Variants in SGCD observed in about 807,000 individuals in gnomAD.
The protein encoded by SGCD is sarcoglycan delta, also known as delta-sarcoglycan.
Under a neutral mutation model 36.6 loss-of-function variants are expected in SGCD, and 18 were observed. The observed-to-expected ratio is 0.49, with a 90% confidence interval of 0.34 to 0.73. The LOEUF (loss-of-function observed/expected upper bound fraction) is 0.73, where lower values mean the gene tolerates loss of function less well. Among genes scored for constraint, SGCD ranks in the 30% least tolerant of loss-of-function variants. SGCD has a pLI of 0.01. For synonymous variants in SGCD, 133 were observed against 130.6 expected (o/e 1.02, Z -0.12); for missense variants, 387 against 346.7 (o/e 1.12, Z -0.92).
intron 7 of SGCD, among the ~76,000 whole-genome samples, chr5:156,720,430 T>C (rs1561875348): frequency 6.6e-6 from 1 of 152,198 alleles, no homozygotes; most frequent in Non-Finnish European, 1.5e-5. Flanking sequence ...GAAATGTGTT[T>C]GTGCAAAGGT....
chr5:156,715,800 C>T (rs1755196094), intron 7 of SGCD, among the ~76,000 whole-genome samples: 1 of 152,166 alleles, frequency 6.6e-6, no homozygotes, highest in East Asian at 1.9e-4. Context: ...CATATTGATG[C>T]TCTGTGCAGT....
chr5:156,507,995 G>T (rs1242845682), intron 3 of SGCD, among the ~76,000 whole-genome samples: 2 of 152,190 alleles, frequency 1.3e-5, no homozygotes, highest in African/African-American at 4.8e-5. Flanking sequence ...GAAGGGGAGT[G>T]TAGGTGGCAG....
At position 155,908,142 on chromosome 5, in the gene SGCD, T is replaced by C. The variant is rs13361644; in HGVS notation, c.-282+37718T>C. Among the ~76,000 whole-genome samples, 1,379 of 152,258 alleles carry C rather than the reference T, an allele frequency of 9.1e-3. 27 individuals are homozygous for C. The highest frequency in any genetic ancestry group is 0.031 in the African/African-American group (1,275 of 41,564). The stretch of plus-strand genomic sequence containing the variant: ...AGTATTTTTAATTAACATGTACATA[T>C]ATTAAGACAGAATGCTATTATGTCC... On this transcript the variant is annotated intron_variant, in intron 1 of 9. Coordinates refer to the SGCD transcript ENST00000517913.
At chr5:156,193,351 A>G (rs1261401403) in intron 3 of SGCD, among the ~76,000 whole-genome samples, 3 of 152,150 alleles carry the variant, frequency 2.0e-5, no homozygotes, top group African/African-American at 4.8e-5. Flanking sequence ...TATTTGAACA[A>G]TTAAACTAGA....
chr5:156,685,906 G>A (rs1753886888), intron 7 of SGCD, among the ~76,000 whole-genome samples: 1 of 152,166 alleles, frequency 6.6e-6, no homozygotes, highest in African/African-American at 2.4e-5. Flanking sequence ...ACAGACACTG[G>A]GGCTTTCCTG....
chr5:156,061,280 G>C lies in SGCD; in HGVS notation c.-281-56598G>C, dbSNP rs1760200705. Reference sequence around the variant, plus strand: ...CAAGGCTAAGAGAATATAAGCGTTGGTCTTTAGCTGAAGATCCTTCAAGGA... The same window carrying C: ...CAAGGCTAAGAGAATATAAGCGTTGCTCTTTAGCTGAAGATCCTTCAAGGA... On this transcript the variant is annotated intron_variant, in intron 1 of 9. Transcript: ENST00000517913. Among the ~76,000 whole-genome samples, 3 of 145,442 alleles carry C rather than the reference G, an allele frequency of 2.1e-5. 1 individual carries two copies. The highest frequency in any genetic ancestry group is 7.4e-5 in the African/African-American group (3 of 40,456).
chr5:156,693,218 A>G (rs1355197384), intron 7 of SGCD, among the ~76,000 whole-genome samples: 1 of 152,242 alleles, frequency 6.6e-6, no homozygotes. Flanking sequence ...GTTTGAAACT[A>G]GAGTCCAATA....
intron 1 of SGCD, among the ~76,000 whole-genome samples, chr5:156,072,396 A>G (rs201085982): frequency 3.8e-4 from 57 of 151,962 alleles, no homozygotes; most frequent in Middle Eastern, 3.4e-3. Context: ...ATGAAGCTTA[A>G]TTTGGCTGGA....
chr5:156,298,058 A>T (rs1296272361), intron 3 of SGCD, among the ~76,000 whole-genome samples: 1 of 151,764 alleles, frequency 6.6e-6, no homozygotes, highest in East Asian at 1.9e-4. Flanking sequence ...TGTGTGACTT[A>T]TTTCACTTAA....
chr5:156,407,854 G>A (rs963425048), intron 3 of SGCD, among the ~76,000 whole-genome samples: 1 of 152,158 alleles, frequency 6.6e-6, no homozygotes, highest in Non-Finnish European at 1.5e-5. Context: ...ATTGTGGAGT[G>A]TTCAGGGGAT....
chr5:156,246,993 C>G (rs1343772972), intron 3 of SGCD, among the ~76,000 whole-genome samples: 1 of 152,202 alleles, frequency 6.6e-6, no homozygotes, highest in African/African-American at 2.4e-5. Flanking sequence ...AAAAGCACCA[C>G]TTAGACTTTA....
intron 1 of SGCD, among the ~76,000 whole-genome samples, chr5:155,888,429 A>G (rs919830923): frequency 6.6e-6 from 1 of 152,242 alleles, no homozygotes; most frequent in Non-Finnish European, 1.5e-5. Context: ...AACAAAAGAC[A>G]GGGTAACAAA....
intron 4 of SGCD, among the ~76,000 whole-genome samples, chr5:156,510,904 G>A (rs978801644): frequency 1.3e-5 from 2 of 152,208 alleles, no homozygotes; most frequent in Non-Finnish European, 2.9e-5. Context: ...ACAGGGTACT[G>A]GGTGCATCTG....
upstream of SGCD, among the ~76,000 whole-genome samples, chr5:155,865,957 A>G (rs150799003): frequency 4.6e-3 from 700 of 152,256 alleles, 2 homozygotes; most frequent in Middle Eastern, 0.02. Context: ...GGTCCCAATA[A>G]TCATAGTTTA....
chr5:156,678,400 T>TTA (rs1195419192), intron 7 of SGCD, among the ~76,000 whole-genome samples: 1 of 152,206 alleles, frequency 6.6e-6, no homozygotes, highest in Admixed American at 6.5e-5. Context: ...AGATAATTGT[T>TTA]TACAGTTGAC....
intron 6 of SGCD, among the ~76,000 whole-genome samples, chr5:156,611,956 T>A (rs1267663897): frequency 6.6e-6 from 1 of 152,244 alleles, no homozygotes; most frequent in Non-Finnish European, 1.5e-5. Context: ...GTTGAATTTC[T>A]CATTCAGATG....
At chr5:156,290,532 GCA>G (rs1439823319) in intron 3 of SGCD, among the ~76,000 whole-genome samples, 1 of 152,164 alleles carries the variant, frequency 6.6e-6, no homozygotes. Context: ...AGGTAGGTTG[GCA>G]GTATCTGCCT....
chr5:156,390,978 G>A (rs77199521), intron 3 of SGCD, among the ~76,000 whole-genome samples: 2,325 of 152,188 alleles, frequency 0.015, 24 homozygotes, highest in Non-Finnish European at 0.024. Context: ...TAAGTGTACC[G>A]TTTTTATAAA....
At chr5:155,833,073 A>AG in the SGCD span, among the ~76,000 whole-genome samples, 3 of 150,462 alleles carry the variant, frequency 2.0e-5, no homozygotes, top group African/African-American at 7.3e-5. Context: ...AAAAAAAAAG[A>AG]AAAAAAATTA....
Sources: allele counts gnomAD v4.1 joint callset (sites outside exome capture counted in the v4.1 genomes callset), GRCh38; gene constraint gnomAD v4.1.1; transcripts MANE v1.5; gene names NCBI Gene and HGNC (gene_info 2026-07-23, HGNC 2026-07-21).